FAM184B: variants seen among roughly 807,000 people sequenced by gnomAD.
FAM184B encodes protein FAM184B.
Under a neutral mutation model 135.9 loss-of-function variants are expected in FAM184B, and 111 were observed. The observed-to-expected ratio is 0.82, with a 90% CI of 0.70 to 0.96. The LOEUF (loss-of-function observed/expected upper bound fraction) is 0.96, where lower values mean the gene tolerates loss of function less well. FAM184B is among the 40% of genes least tolerant of loss of function. The pLI is 0.00. For synonymous variants in FAM184B, 552 were observed against 524.8 expected (o/e 1.05, Z -0.71); for missense variants, 1,375 against 1,323.9 (o/e 1.04, Z -0.60).
rs1229471720 is a variant in FAM184B at position 17,632,944 on chromosome 4, CAG to C, written c.3090-321_3090-320del. On this transcript the variant is annotated intron_variant, in intron 17 of 17. Coordinates refer to ENST00000265018, the MANE Select transcript of FAM184B (RefSeq NM_015688.2). ...GAGACTTTGTTTTTATTTTTTGTGA[CAG>C]AGTCTCCCTCTGTCACCCAGGCTGG... 5.7e-5 allele frequency: 11 copies of C among 194,214 alleles called. 1 individual carries two copies. The highest frequency in any genetic ancestry group is 3.9e-4 in the South Asian group (4 of 10,150). 12.0% of individuals were successfully genotyped at this position (194,214 alleles called of 1,614,324 possible). A position where few individuals can be genotyped will look rare whatever the true frequency, so the allele number is the denominator to read the frequency against.
chr4:17,758,380 A>G (rs1718466876), intron 1 of FAM184B, among the ~76,000 whole-genome samples: 1 of 152,264 alleles, frequency 6.6e-6, no homozygotes, highest in Non-Finnish European at 1.5e-5. Context: ...CAAATAGCCT[A>G]TAATTGCTTT....
At chr4:17,635,456 C>CT (rs1715096761) in intron 15 of FAM184B, among the ~76,000 whole-genome samples, 2 of 152,140 alleles carry the variant, frequency 1.3e-5, no homozygotes, top group Non-Finnish European at 2.9e-5. Context: ...CTTTCTTCCT[C>CT]TGTCTTGTTT....
chr4:17,721,229 A>G (rs1179382675), intron 1 of FAM184B, among the ~76,000 whole-genome samples: 6 of 151,714 alleles, frequency 4.0e-5, no homozygotes, highest in Non-Finnish European at 1.5e-5. Context: ...TAAAAATACA[A>G]AAAAATTAGC....
At chr4:17,691,207 G>A (rs535487534) in intron 6 of FAM184B, among the ~76,000 whole-genome samples, 1 of 152,200 alleles carries the variant, frequency 6.6e-6, no homozygotes, top group African/African-American at 2.4e-5. Flanking sequence ...CTACTTGTTA[G>A]CTATGCAATG....
At chr4:17,636,709 A>G (rs1715150741) in intron 14 of FAM184B, 64 bp from the exon 15 acceptor site, 12 of 1,300,662 alleles carry the variant, frequency 9.2e-6, no homozygotes, top group East Asian at 2.6e-5. Flanking sequence ...GAGGGAGAAC[A>G]AGTGCACACG....
At chr4:17,762,905 C>A (rs1718577376) in intron 1 of FAM184B, among the ~76,000 whole-genome samples, 1 of 152,212 alleles carries the variant, frequency 6.6e-6, no homozygotes, top group African/African-American at 2.4e-5. Flanking sequence ...AGAACACCTA[C>A]TTCCAACTGC....
intron 6 of FAM184B, 148 bp from the exon 7 acceptor site, chr4:17,688,679 C>CTTT: frequency 1.4e-5 from 3 of 210,748 alleles, no homozygotes; most frequent in Non-Finnish European, 2.7e-5. Flanking sequence ...TCTAGAAATG[C>CTTT]CTTTTTTTTT....
chr4:17,684,217 A>C (rs1313705817), intron 7 of FAM184B, among the ~76,000 whole-genome samples: 1 of 108,768 alleles, frequency 9.2e-6, no homozygotes, highest in African/African-American at 2.7e-5. Flanking sequence ...ATAATAATAT[A>C]ATTACTATTA....
chr4:17,733,792 T>C (rs1398657876), intron 1 of FAM184B, among the ~76,000 whole-genome samples: 1 of 152,226 alleles, frequency 6.6e-6, no homozygotes, highest in Non-Finnish European at 1.5e-5. Context: ...CCTATCAAGC[T>C]ACCAATGACT....
At chr4:17,636,721 T>C in intron 14 of FAM184B, 76 bp from the exon 15 acceptor site, 3 of 1,215,826 alleles carry the variant, frequency 2.5e-6, no homozygotes, top group Non-Finnish European at 3.4e-6. Flanking sequence ...GTGCACACGA[T>C]GGGAATGCCA....
chr4:17,753,764 A>G (rs1438347698), intron 1 of FAM184B, among the ~76,000 whole-genome samples: 2 of 152,218 alleles, frequency 1.3e-5, no homozygotes, highest in South Asian at 4.1e-4. Context: ...TAGGGACAGA[A>G]GCACAGTCTT....
Position 17,709,566 on chromosome 4 carries a change from G to A in FAM184B, c.220C>T (p.Leu74Phe). The change falls in exon 2 of 18, where the codon CTC becomes TTC. Residue 74 changes from leucine to phenylalanine, a missense_variant. Coordinates refer to ENST00000265018, the MANE Select transcript of FAM184B (RefSeq NM_015688.2). The part of the protein sequence containing the change: ...EALREAHQEE[L>F]QNAVAETKAR... Reference sequence around the variant, plus strand: ...TTGGTCTCTGCCACCGCATTCTGGAGCTCCTCCTGGTGCGCTTCCCGCAGC... The same window carrying A: ...TTGGTCTCTGCCACCGCATTCTGGAACTCCTCCTGGTGCGCTTCCCGCAGC... 6.5e-7 allele frequency: 1 copy of A among 1,550,170 alleles called. No individual in the cohort carries two copies. The highest frequency in any genetic ancestry group is 8.7e-7 in the Non-Finnish European group (1 of 1,146,792).
chr4:17,753,394 A>G (rs1196725264), intron 1 of FAM184B, among the ~76,000 whole-genome samples: 6 of 152,218 alleles, frequency 3.9e-5, no homozygotes, highest in Admixed American at 3.9e-4. Context: ...ACTTCTCTGT[A>G]TGTATATTTT....
At chr4:17,766,075 T>G (rs79422216) in intron 1 of FAM184B, among the ~76,000 whole-genome samples, 2,967 of 152,108 alleles carry the variant, frequency 0.02, 86 homozygotes, top group African/African-American at 0.068. Context: ...GCCCAAAGAG[T>G]AAGCCACAGG....
chr4:17,643,785 C>G (rs940749897), intron 12 of FAM184B, among the ~76,000 whole-genome samples: 1 of 152,224 alleles, frequency 6.6e-6, no homozygotes, highest in Non-Finnish European at 1.5e-5. Flanking sequence ...ACCAATGAAT[C>G]CTCACCACCC....
Position 17,709,008 on chromosome 4 carries a change from C to A in FAM184B, c.778G>T (p.Val260Phe), listed in dbSNP as rs746290653. 75 of 1,550,650 alleles carry A rather than the reference C, an allele frequency of 4.8e-5. No homozygotes were observed. The Middle Eastern group carries it at 5.0e-4, about 10-fold the overall frequency. ...TGAGCCTGCAGGGCTGACTCCTGGA[C>A]CTGGAAGTTCTTGCGGAGGTCCGAC... ...KESDLRKNFQ[V>F]QESALQAQVR... Residue 260 changes from valine (V) to phenylalanine (F), a missense_variant, in exon 2 of 18, where the codon GTC becomes TTC. By Grantham distance (50) the Val-to-Phe change is conservative. Coordinates refer to ENST00000265018, the MANE Select transcript of FAM184B (RefSeq NM_015688.2).
intron 1 of FAM184B, among the ~76,000 whole-genome samples, chr4:17,722,161 C>T (rs1055651927): frequency 6.6e-6 from 1 of 152,124 alleles, no homozygotes; most frequent in African/African-American, 2.4e-5. Context: ...TATGGCTATC[C>T]CATTTCTACT....
intron 1 of FAM184B, among the ~76,000 whole-genome samples, chr4:17,744,057 G>A (rs1718102524): frequency 6.6e-6 from 1 of 152,122 alleles, no homozygotes; most frequent in African/African-American, 2.4e-5. Context: ...AGAGGCCACC[G>A]GCTTTGACTC....
At chr4:17,726,317 C>G (rs913857217) in intron 1 of FAM184B, among the ~76,000 whole-genome samples, 1 of 152,138 alleles carries the variant, frequency 6.6e-6, no homozygotes, top group African/African-American at 2.4e-5. Flanking sequence ...CTGAAAAGCC[C>G]GAAGCCAGGG....
Sources: gnomAD v4.1 joint callset for allele counts (sites outside exome capture counted in the v4.1 genomes callset) on GRCh38, gnomAD v4.1.1 for gene constraint, MANE v1.5 for transcripts, NCBI Gene and HGNC (gene_info 2026-07-23, HGNC 2026-07-21) for gene names.